MRC2: variants seen among roughly 807,000 people sequenced by gnomAD.
MRC2 encodes mannose receptor C-type 2, also known as C-type mannose receptor 2.
Under a neutral mutation model 206.2 loss-of-function variants are expected in MRC2, and 84 were observed. The observed-to-expected ratio is 0.41, with a 90% CI of 0.34 to 0.49. The LOEUF (loss-of-function observed/expected upper bound fraction) is 0.49. MRC2 is among the 20% of genes least tolerant of loss of function. The pLI is 0.31. For missense variants in MRC2, 1,676 were observed against 2,001.5 expected (o/e 0.84, Z 3.10); for synonymous variants, 798 against 800.0 (o/e 1.00, Z 0.04).
intron 1 of MRC2, among the ~76,000 whole-genome samples, chr17:62,654,626 G>T (rs2088595746): frequency 1.3e-5 from 2 of 152,112 alleles, no homozygotes; most frequent in African/African-American, 4.8e-5. Context: ...ACAAACTGTT[G>T]TCAAGCCTTT....
intron 12 of MRC2, among the ~76,000 whole-genome samples, chr17:62,678,095 C>A (rs752946922): frequency 6.6e-6 from 1 of 152,292 alleles, no homozygotes; most frequent in East Asian, 1.9e-4. Flanking sequence ...TAGGCTGTCA[C>A]AATGGAGATT....
chr17:62,657,835 G>A (rs533450286), intron 1 of MRC2, among the ~76,000 whole-genome samples: 1 of 152,174 alleles, frequency 6.6e-6, no homozygotes, highest in East Asian at 1.9e-4. Flanking sequence ...CCTCCACTAG[G>A]CCTTGGAGAA....
intron 1 of MRC2, chr17:62,661,548 C>CTCTT (rs200257103): frequency 2.2e-5 from 3 of 137,980 alleles, no homozygotes; most frequent in East Asian, 2.1e-4. Context: ...TTCTTTCTTT[C>CTCTT]TCTTTCTTTC....
In MRC2 at chr17:62,667,720, T is replaced by C. The variant is rs916838065; in HGVS notation, c.1117+187T>C. 1.3e-5 allele frequency among the ~76,000 whole-genome samples: 2 copies of C among 152,230 alleles called. No homozygotes were observed. The highest frequency in any genetic ancestry group is 2.4e-5 in the African/African-American group (1 of 41,446). On this transcript the variant is annotated intron_variant, in intron 6 of 29. Transcript: ENST00000303375. The surrounding 1 kb of genome is among the most constrained non-coding windows in gnomAD (Gnocchi z 4.1). ...AATTGGAATATGTCATTAATTCATT[T>C]GGGGAACATGTGCTGAGATCTGTGT... is the stretch of plus-strand genomic sequence containing the variant.
At chr17:62,634,980 G>T (rs559164461) in intron 1 of MRC2, among the ~76,000 whole-genome samples, 1 of 152,056 alleles carries the variant, frequency 6.6e-6, no homozygotes, top group South Asian at 2.1e-4. Context: ...ACAGGCACGT[G>T]CCACCACGCC....
At chr17:62,632,062 A>G (rs900805734) in intron 1 of MRC2, among the ~76,000 whole-genome samples, 1 of 151,830 alleles carries the variant, frequency 6.6e-6, no homozygotes, top group Non-Finnish European at 1.5e-5. Context: ...GGTCCTGTGA[A>G]TCTGGGTGGG....
intron 18 of MRC2, chr17:62,681,441 G>A (rs1017833071): frequency 1.6e-5 from 8 of 505,338 alleles, no homozygotes; most frequent in South Asian, 2.5e-5. Flanking sequence ...AGGCCCTCTC[G>A]GGGAAGTGGG....
chr17:62,628,025 AAGCGTGTGTGCGT>A (rs2084183453), intron 1 of MRC2, 105 bp downstream of exon 1: 4 of 730,914 alleles, frequency 5.5e-6, no homozygotes, highest in Non-Finnish European at 8.0e-6. Flanking sequence ...TTTTCTCCAG[AAGCGTGTGTGCGT>A]GTGTGTGTGA....
At chr17:62,651,411 T>C (rs2088554840) in intron 1 of MRC2, among the ~76,000 whole-genome samples, 1 of 151,956 alleles carries the variant, frequency 6.6e-6, no homozygotes, top group African/African-American at 2.4e-5. Context: ...CTCAGACTCA[T>C]GCCAGGCAAA....
chr17:62,628,807 T>C (rs1440163374), intron 1 of MRC2, among the ~76,000 whole-genome samples: 1 of 151,324 alleles, frequency 6.6e-6, no homozygotes, highest in Non-Finnish European at 1.5e-5. Flanking sequence ...AAGATCCACT[T>C]CCTGGGGGAG....
At chr17:62,687,564 T>TTTTG (rs889464301) in intron 20 of MRC2, among the ~76,000 whole-genome samples, 3 of 152,216 alleles carry the variant, frequency 2.0e-5, no homozygotes, top group East Asian at 1.9e-4. Context: ...TACCCAGGGC[T>TTTTG]TTTGTTTGTT....
intron 28 of MRC2, among the ~76,000 whole-genome samples, 162 bp downstream of exon 28, chr17:62,691,290 T>G (rs2089108920): frequency 1.3e-5 from 2 of 151,964 alleles, no homozygotes; most frequent in South Asian, 4.2e-4. Context: ...AATTAGTCAG[T>G]GGGATGGACT....
At chr17:62,658,722 G>A (rs992920450) in intron 1 of MRC2, among the ~76,000 whole-genome samples, 25 of 152,186 alleles carry the variant, frequency 1.6e-4, no homozygotes, top group Admixed American at 1.6e-3. Flanking sequence ...TTTTCCAGTC[G>A]TATCTCTGAG....
chr17:62,664,949 G>C lies in MRC2; in HGVS notation c.520G>C (p.Glu174Gln). ...EEDLCALPYH[E>Q]VYTIQGNSHG... ...GGACCTATGTGCTCTGCCCTACCAC[G>C]GTGAGGGGCCGCTTGCAGGCGGGAG... The change falls in exon 2 of 30, where the codon GAG becomes CAG. Residue 174 changes from glutamate to glutamine, a missense_variant and splice_region_variant. Glu to Gln is a conservative substitution (Grantham distance 29). This residue lies in a region of MRC2 where 318 missense variants were observed against 346.7 expected (regional missense o/e 0.92). Transcript: ENST00000303375. The surrounding 1 kb of genome is among the most constrained non-coding windows in gnomAD (Gnocchi z 4.7). 1 of 1,597,960 alleles carries C rather than the reference G, an allele frequency of 6.3e-7. No homozygotes were observed.
chr17:62,691,864 G>A (rs1267418553), intron 28 of MRC2, among the ~76,000 whole-genome samples: 1 of 151,780 alleles, frequency 6.6e-6, no homozygotes, highest in Non-Finnish European at 1.5e-5. Context: ...CTGACACCCA[G>A]GCCTCCCACG....
chr17:62,679,914 T>C lies in MRC2; in HGVS notation c.2298+12T>C. 6.5e-7 allele frequency: 1 copy of C among 1,548,724 alleles called. No individual in the cohort carries two copies. Among genetic ancestry groups the C allele is most frequent in the Non-Finnish European group, 8.7e-7 (1 of 1,148,182 alleles). ...GCGACGGCGTAGGGGTGAGGGGGCC[T>C]GGGGTACTTGGGACTGCGAGGCCGG... On this transcript the variant is annotated intron_variant, in intron 14 of 29. Transcript: ENST00000303375.
intron 1 of MRC2, among the ~76,000 whole-genome samples, chr17:62,654,360 G>A (rs1430378695): frequency 2.0e-5 from 3 of 151,892 alleles, no homozygotes; most frequent in Admixed American, 6.6e-5. Context: ...CCTTGTCCTT[G>A]GAATGCCTTC....
intron 1 of MRC2, among the ~76,000 whole-genome samples, chr17:62,635,316 A>G (rs1021737900): frequency 1.3e-5 from 2 of 151,570 alleles, no homozygotes; most frequent in African/African-American, 4.9e-5. Flanking sequence ...AAGAAATACC[A>G]AAGAAAAAAA....
chr17:62,677,847 C>T (rs975688064), intron 12 of MRC2, among the ~76,000 whole-genome samples: 4 of 152,072 alleles, frequency 2.6e-5, no homozygotes, highest in African/African-American at 7.2e-5. Flanking sequence ...GTCAGGAGAT[C>T]GAGACCATCC....
Sources: allele counts gnomAD v4.1 joint callset (sites outside exome capture counted in the v4.1 genomes callset), GRCh38; gene constraint gnomAD v4.1.1; regional missense constraint gnomAD v4.1.1; non-coding constraint Gnocchi (gnomAD v3.1); transcripts MANE v1.5; gene names NCBI Gene and HGNC (gene_info 2026-07-23, HGNC 2026-07-21).